NUP210: variants seen among roughly 807,000 people sequenced by gnomAD.
NUP210 encodes nuclear pore membrane glycoprotein 210.
Under a neutral mutation model 196.0 loss-of-function variants are expected in NUP210, and 151 were observed. The observed-to-expected ratio is 0.77, with a 90% confidence interval of 0.67 to 0.88. The LOEUF (loss-of-function observed/expected upper bound fraction) is 0.88, where lower values mean the gene tolerates loss of function less well. Ranked by LOEUF, NUP210 falls within the 40% of genes least tolerant of loss-of-function variation. The pLI, the probability that NUP210 is intolerant of heterozygous loss-of-function variation, is 0.00. For synonymous variants in NUP210, 1,070 were observed against 1,052.7 expected, an observed-to-expected ratio of 1.02 and a Z score of -0.32; for missense variants, 2,314 against 2,493.7, an observed-to-expected ratio of 0.93 and a Z score of 1.53.
In NUP210 at chr3:13,317,733, C is replaced by A. The variant is rs139022956; in HGVS notation, c.5612G>T (p.Arg1871Leu). ...CAGCCCTGAGGGAGGGCTGGCTTTG[C>A]GAGCAGGAGGCAATGCATTGGGAGA... ...PTSPNALPPA[R>L]KASPPSGLWS... The change falls in exon 40 of 40, where the codon CGC becomes CTC. Residue 1871 changes from arginine (R) to leucine (L), a missense_variant. Coordinates refer to ENST00000254508, the MANE Select transcript of NUP210 (RefSeq NM_024923.4). 6.2e-7 allele frequency: 1 copy of A among 1,611,738 alleles called. No individual in the cohort carries two copies. The highest frequency in any genetic ancestry group is 8.5e-7 in the Non-Finnish European group (1 of 1,179,168).
intron 36 of NUP210, among the ~76,000 whole-genome samples, chr3:13,320,960 G>A (rs951462754): frequency 2.6e-5 from 4 of 151,344 alleles, no homozygotes; most frequent in Admixed American, 6.6e-5. Flanking sequence ...GTAGCAGCCC[G>A]AGCTCTGCTC....
At chr3:13,388,730 G>A (rs1340314187) in intron 4 of NUP210, among the ~76,000 whole-genome samples, 1 of 152,232 alleles carries the variant, frequency 6.6e-6, no homozygotes, top group African/African-American at 2.4e-5. Context: ...ACACGCACAC[G>A]TGACGTAAAT....
At chr3:13,397,555 T>C (rs1043768238) in intron 2 of NUP210, 67 bp from the exon 3 acceptor site, 3 of 1,487,114 alleles carry the variant, frequency 2.0e-6, no homozygotes, top group Admixed American at 4.9e-5. Flanking sequence ...CTTCCAAGCC[T>C]TGCAGGCTTA....
In NUP210 at chr3:13,351,865, T is replaced by C. The variant is rs754650223; in HGVS notation, c.2835+14A>G. On this transcript the variant is annotated intron_variant, in intron 20 of 39. Coordinates refer to ENST00000254508, the MANE Select transcript of NUP210 (RefSeq NM_024923.4). ...AATGAAAACCAACAGTGGGGACCGATGGCCCAAGCTTACCATGGCGACACC... is the reference window on the plus strand; with the variant it reads ...AATGAAAACCAACAGTGGGGACCGACGGCCCAAGCTTACCATGGCGACACC... The C allele has an allele frequency of 1.1e-5, 18 of 1,568,764 alleles. No homozygotes were observed. The highest frequency in any genetic ancestry group is 1.6e-5 in the Non-Finnish European group (18 of 1,139,056).
chr3:13,343,630 C>G (rs1697609995), intron 20 of NUP210, among the ~76,000 whole-genome samples: 1 of 152,180 alleles, frequency 6.6e-6, no homozygotes, highest in Non-Finnish European at 1.5e-5. Flanking sequence ...GGAAGCTGCT[C>G]CAAGGGGGCC....
chr3:13,359,095 C>T (rs963253597), intron 15 of NUP210, among the ~76,000 whole-genome samples: 2 of 152,186 alleles, frequency 1.3e-5, no homozygotes, highest in Admixed American at 6.5e-5. Context: ...ATGGAGGACA[C>T]GAGCCCCTAC....
intron 13 of NUP210, among the ~76,000 whole-genome samples, chr3:13,369,672 T>C (rs1171778968): frequency 6.6e-6 from 1 of 152,214 alleles, no homozygotes; most frequent in Non-Finnish European, 1.5e-5. Context: ...AAATAGACTG[T>C]CCTTTCCCCA....
chr3:13,357,349 C>T (rs1049686970), intron 16 of NUP210, among the ~76,000 whole-genome samples: 53 of 152,342 alleles, frequency 3.5e-4, no homozygotes, highest in African/African-American at 1.2e-3. Context: ...CCTCACTCTG[C>T]TGCGTGCCCT....
chr3:13,378,450 C>T (rs189818792), intron 8 of NUP210, among the ~76,000 whole-genome samples: 1 of 152,386 alleles, frequency 6.6e-6, no homozygotes, highest in Non-Finnish European at 1.5e-5. Context: ...TGCCAGGACA[C>T]CTTCCCGCAA....
chr3:13,337,112 C>T, intron 26 of NUP210, 194 bp from the exon 27 acceptor site: 2 of 546,704 alleles, frequency 3.7e-6, no homozygotes, highest in Non-Finnish European at 6.4e-6. Context: ...TTTCCCCATA[C>T]TGTCCCTCCC....
intron 3 of NUP210, among the ~76,000 whole-genome samples, chr3:13,395,761 G>C (rs1182353061): frequency 6.6e-6 from 1 of 152,142 alleles, no homozygotes; most frequent in Non-Finnish European, 1.5e-5. Flanking sequence ...ATTCACATGT[G>C]AACATGTGTT....
At position 13,342,109 on chromosome 3, in the gene NUP210, C is replaced by G. The variant is rs1241474870; in HGVS notation, c.2979G>C (p.Lys993Asn). 1 of 1,614,098 alleles carries G rather than the reference C, an allele frequency of 6.2e-7. No homozygotes were observed. Among genetic ancestry groups the G allele is most frequent in the South Asian group, 1.1e-5 (1 of 91,068 alleles). ...IRVVDKVEIG[K>N]TVKAYVRVLD... The stretch of plus-strand genomic sequence containing the variant: ...GCACGCGGACGTATGCCTTCACTGT[C>G]TTCCCAATCTCCACCTGCATCATGG... Residue 993 changes from lysine to asparagine, a missense_variant, in exon 22 of 40, where the codon AAG becomes AAC. Transcript: ENST00000254508.
At chr3:13,336,671 T>C in intron 27 of NUP210, 116 bp downstream of exon 27, 1 of 1,164,970 alleles carries the variant, frequency 8.6e-7, no homozygotes. Flanking sequence ...CGGGCCTCTC[T>C]AGGTGTGAGG....
chr3:13,365,875 G>C (rs1698512235), intron 14 of NUP210, 71 bp downstream of exon 14: 2 of 1,530,702 alleles, frequency 1.3e-6, no homozygotes, highest in Non-Finnish European at 1.8e-6. Context: ...AAATTCGTCA[G>C]AGCAAATGGG....
At chr3:13,353,796 A>G (rs1698067048) in intron 17 of NUP210, 119 bp downstream of exon 17, 1 of 1,222,640 alleles carries the variant, frequency 8.2e-7, no homozygotes. Context: ...GTGGATTGTA[A>G]GAGTTAACAG....
chr3:13,404,368 C>T (rs1048508747), intron 1 of NUP210, among the ~76,000 whole-genome samples: 6 of 152,122 alleles, frequency 3.9e-5, no homozygotes, highest in Non-Finnish European at 8.8e-5. Context: ...GAGGAATTCA[C>T]TTTTATTCAG....
In NUP210 at chr3:13,375,648, G is replaced by C. The variant is rs1306827185; in HGVS notation, c.1294-7C>G. ...GTATGTGGACCCCTCCATCCTACAA[G>C]GGGTGAGGGTGCCACACGTAACCAT... On this transcript the variant is annotated splice_polypyrimidine_tract_variant and splice_region_variant and intron_variant, in intron 10 of 39. Coordinates refer to ENST00000254508, the MANE Select transcript of NUP210 (RefSeq NM_024923.4). 1.2e-6 allele frequency: 2 copies of C among 1,612,082 alleles called. No individual in the cohort carries two copies. Among genetic ancestry groups the C allele is most frequent in the African/African-American group, 1.3e-5 (1 of 74,850 alleles).
chr3:13,390,560 G>C (rs888848515), intron 4 of NUP210, among the ~76,000 whole-genome samples: 1 of 152,194 alleles, frequency 6.6e-6, no homozygotes, highest in Middle Eastern at 3.2e-3. Flanking sequence ...CTAACTACAA[G>C]TAAATAGCTC....
At chr3:13,353,723 C>T in intron 17 of NUP210, 63 bp from the exon 18 acceptor site, 1 of 1,427,586 alleles carries the variant, frequency 7.0e-7, no homozygotes, top group Non-Finnish European at 9.9e-7. Flanking sequence ...TGAAGCAGCC[C>T]CTCCCTCCTT....
Sources: gnomAD v4.1 joint callset for allele counts (sites outside exome capture counted in the v4.1 genomes callset) on GRCh38, gnomAD v4.1.1 for gene constraint, MANE v1.5 for transcripts, NCBI Gene and HGNC (gene_info 2026-07-23, HGNC 2026-07-21) for gene names.